Variants in CGAS observed in about 807,000 individuals in gnomAD.
CGAS encodes the protein 2'3'-cGAMP synthase.
In CGAS, 31 loss-of-function variants were observed where a neutral mutation model predicts 34.0. The observed-to-expected ratio is 0.91, with a 90% CI of 0.69 to 1.23. The LOEUF is 1.23. Among genes scored for constraint, CGAS ranks in the 50% most tolerant of loss-of-function variants. The pLI is 0.00. For missense variants in CGAS, 597 were observed against 657.6 expected (o/e 0.91, Z 1.01); for synonymous variants, 266 against 260.0 (o/e 1.02, Z -0.22).
At chr6:73,428,927 C>A in intron 3 of CGAS, 116 bp from the exon 4 acceptor site, 1 of 892,818 alleles carries the variant, frequency 1.1e-6, no homozygotes, top group Non-Finnish European at 1.7e-6. Context: ...GGGCTCACGC[C>A]TGTAATCTCA....
intron 1 of CGAS, among the ~76,000 whole-genome samples, chr6:73,449,116 A>G (rs1426416155): frequency 6.6e-6 from 1 of 151,940 alleles, no homozygotes; most frequent in African/African-American, 2.4e-5. Flanking sequence ...GAAAAAGAAA[A>G]AAAGAAAAAG....
chr6:73,427,215 C>T (rs1770104300), intron 4 of CGAS, among the ~76,000 whole-genome samples: 1 of 151,862 alleles, frequency 6.6e-6, no homozygotes, highest in South Asian at 2.1e-4. Flanking sequence ...ACCTCTGTGC[C>T]TGCATGTTGG....
Position 73,434,168 on chromosome 6 carries a change from C to T in CGAS, c.1115-5357G>A, listed in dbSNP as rs146950675. On this transcript the variant is annotated intron_variant, in intron 3 of 4. Coordinates refer to ENST00000370315, the MANE Select transcript of CGAS (RefSeq NM_138441.3). ...AGAGTTCAGGGATAGCTACACAATA[C>T]GGTTGGCCCTCTGTATCTGAGGGTT... 7.2e-5 allele frequency among the ~76,000 whole-genome samples: 11 copies of T among 152,306 alleles called. 1 individual carries two copies. Among genetic ancestry groups the T allele is most frequent in the African/African-American group, 2.2e-4 (9 of 41,578 alleles).
chr6:73,433,059 G>A (rs1288608540), intron 3 of CGAS, among the ~76,000 whole-genome samples: 1 of 152,034 alleles, frequency 6.6e-6, no homozygotes, highest in Non-Finnish European at 1.5e-5. Context: ...ACTCCAGCCT[G>A]GGTGACAGAG....
rs186002632 is a variant in CGAS, at chr6:73,432,310, C to T, written c.1115-3499G>A. The stretch of plus-strand genomic sequence containing the variant: ...CTGAGTAGCTGGGATTACAGGCATG[C>T]GCCACCATGCCCGGCTAATTTTGTA... On this transcript the variant is annotated intron_variant, in intron 3 of 4. Coordinates refer to ENST00000370315, the MANE Select transcript of CGAS (RefSeq NM_138441.3). Among the ~76,000 whole-genome samples, 149 of 151,820 alleles carry T rather than the reference C, an allele frequency of 9.8e-4. 3 individuals carry two copies. The highest frequency in any genetic ancestry group is 9.3e-3 in the Admixed American group (141 of 15,222).
At chr6:73,435,586 TATCTG>T (rs1463780544) in intron 3 of CGAS, among the ~76,000 whole-genome samples, 1 of 152,070 alleles carries the variant, frequency 6.6e-6, no homozygotes, top group Non-Finnish European at 1.5e-5. Flanking sequence ...AAAAGTGTTA[TATCTG>T]AGAGCAGGGC....
chr6:73,452,219 T>A lies in CGAS; in HGVS notation c.-38A>T. 1 of 1,563,974 alleles carries A rather than the reference T, an allele frequency of 6.4e-7. No homozygotes were observed. The highest frequency in any genetic ancestry group is 8.6e-7 in the Non-Finnish European group (1 of 1,156,378). On this transcript the variant is annotated 5_prime_UTR_variant, in exon 1 of 5. Coordinates refer to ENST00000370315, the MANE Select transcript of CGAS (RefSeq NM_138441.3). ...CTGTTCCCCGAAAGAAGAATCCGTT[T>A]CAGGAAAAGGCCGCAAGAGGAAGAG...
At chr6:73,447,772 T>A (rs2150018263) in intron 1 of CGAS, among the ~76,000 whole-genome samples, 1 of 152,324 alleles carries the variant, frequency 6.6e-6, no homozygotes, top group African/African-American at 2.4e-5. Flanking sequence ...TTGATGATAT[T>A]CTAAATGGTA....
Position 73,452,036 on chromosome 6 carries a change from C to T in CGAS, c.146G>A (p.Gly49Glu), listed in dbSNP as rs1448918635. 11 of 1,497,630 alleles carry T rather than the reference C, an allele frequency of 7.3e-6. No homozygotes were observed. Among genetic ancestry groups the T allele is most frequent in the South Asian group, 1.3e-5 (1 of 77,138 alleles). 92.8% of individuals were successfully genotyped at this position (1,497,630 alleles called of 1,614,324 possible). Reference protein sequence around the residue: ...AAPEAALPKAGKFGPARKSGS... With the variant: ...AAPEAALPKAEKFGPARKSGS... ...CGACTTCCTGGCGGGGCCGAACTTTCCCGCCTTAGGCAGGGCGGCCTCGGG... is the reference window on the plus strand; with the variant it reads ...CGACTTCCTGGCGGGGCCGAACTTTTCCGCCTTAGGCAGGGCGGCCTCGGG... The change falls in exon 1 of 5, where the codon GGA becomes GAA. Residue 49 changes from glycine to glutamate, a missense_variant. By Grantham distance (98) the Gly-to-Glu change is moderately conservative. Coordinates refer to ENST00000370315, the MANE Select transcript of CGAS (RefSeq NM_138441.3).
At chr6:73,425,838 G>A (rs943765349) in intron 4 of CGAS, among the ~76,000 whole-genome samples, 6 of 152,034 alleles carry the variant, frequency 3.9e-5, no homozygotes, top group African/African-American at 1.4e-4. Flanking sequence ...GCTGGGCGTG[G>A]TGGCGCACGC....
In CGAS at chr6:73,452,079, T is replaced by G. The variant is rs1192658709; in HGVS notation, c.103A>C (p.Thr35Pro). The G allele has an allele frequency of 3.2e-6, 5 of 1,571,016 alleles. No individual in the cohort carries two copies. Among genetic ancestry groups the G allele is most frequent in the Middle Eastern group, 1.7e-4 (1 of 5,776 alleles). Residue 35 changes from threonine to proline, a missense_variant, in exon 1 of 5, where the codon ACC (threonine) becomes CCC (proline). Thr to Pro is a conservative substitution (Grantham distance 38). Coordinates refer to ENST00000370315, the MANE Select transcript of CGAS (RefSeq NM_138441.3). ...GCCTCGGGGGCAGCCGGAGACTCGG[T>G]GGGATCCATCGGGGCGCCCCTGGCA... ...RNARGAPMDP[T>P]ESPAAPEAAL... is the part of the protein sequence containing the mutation.
At chr6:73,429,324 A>T (rs1341370215) in intron 3 of CGAS, among the ~76,000 whole-genome samples, 1 of 152,194 alleles carries the variant, frequency 6.6e-6, no homozygotes, top group Non-Finnish European at 1.5e-5. Context: ...ACCGAAAAAA[A>T]AAGGAAGTCA....
In CGAS at chr6:73,446,803, A is replaced by T. The variant is rs1274551951; in HGVS notation, c.658-1056T>A. On this transcript the variant is annotated intron_variant, in intron 1 of 4. Coordinates refer to ENST00000370315, the MANE Select transcript of CGAS (RefSeq NM_138441.3). The stretch of plus-strand genomic sequence containing the variant: ...CCAGGCGCGGTGGCTCACGCTTGTA[A>T]TCCCAGTACTTTGGGAGGACGAGGC... 2.7e-5 allele frequency among the ~76,000 whole-genome samples: 4 copies of T among 150,602 alleles called. No individual in the cohort carries two copies. In the East Asian group the frequency reaches 5.8e-4, roughly 22 times the overall value.
chr6:73,429,227 G>GA (rs922025430), intron 3 of CGAS, among the ~76,000 whole-genome samples: 9 of 149,822 alleles, frequency 6.0e-5, no homozygotes, highest in African/African-American at 2.2e-4. Context: ...AAAATATTCT[G>GA]AAAAAATCTT....
intron 4 of CGAS, among the ~76,000 whole-genome samples, chr6:73,425,939 A>G (rs1582647676): frequency 6.6e-6 from 1 of 151,816 alleles, no homozygotes; most frequent in Admixed American, 6.6e-5. Flanking sequence ...GCGTCATTGC[A>G]CTCCAGCCTG....
At chr6:73,445,022 T>A (rs1026206375) in intron 2 of CGAS, among the ~76,000 whole-genome samples, 1 of 152,084 alleles carries the variant, frequency 6.6e-6, no homozygotes, top group African/African-American at 2.4e-5. Context: ...ATATGTTTGG[T>A]TATAGATTCC....
At chr6:73,445,858 A>G (rs1338188998) in intron 1 of CGAS, 111 bp from the exon 2 acceptor site, 1 of 739,538 alleles carries the variant, frequency 1.4e-6, no homozygotes, top group Middle Eastern at 3.8e-4. Flanking sequence ...AGCAAGATTC[A>G]TAATGTCTAT....
chr6:73,451,723 G>A lies in CGAS; in HGVS notation c.459C>T (p.Leu153=), dbSNP rs757662937. The change falls in exon 1 of 5, where the codon CTC becomes CTT. Residue 153 remains leucine, a synonymous_variant. Transcript: ENST00000370315. ...CCCCAGGCGCCGCATCCCTCCGTAC[G>A]AGAATGGGGGCCGAGACCGGCAGGC... ...SPGLPVSAPI[L]VRRDAAPGAS... is the part of the protein sequence containing the mutation. The A allele has an allele frequency of 1.9e-5, 30 of 1,613,320 alleles. No homozygotes were observed. The highest frequency in any genetic ancestry group is 1.7e-4 in the Middle Eastern group (1 of 6,060).
chr6:73,428,110 G>C (rs1306935746), intron 4 of CGAS, among the ~76,000 whole-genome samples: 1 of 151,858 alleles, frequency 6.6e-6, no homozygotes, highest in Non-Finnish European at 1.5e-5. Context: ...TGTAATCTCA[G>C]CTACTTGGGG....
Sources: allele counts gnomAD v4.1 joint callset (sites outside exome capture counted in the v4.1 genomes callset), GRCh38; gene constraint gnomAD v4.1.1; transcripts MANE v1.5; gene names NCBI Gene and HGNC (gene_info 2026-07-23, HGNC 2026-07-21).